Variants in PTPRD observed in about 807,000 individuals in gnomAD.
PTPRD encodes the protein protein tyrosine phosphatase receptor type D, also known as receptor-type tyrosine-protein phosphatase delta.
A neutral mutation model predicts 214.5 loss-of-function variants in PTPRD; 34 were observed. That is an observed-to-expected ratio of 0.16 (90% CI 0.12 to 0.21). PTPRD has a LOEUF of 0.21. Among genes scored for constraint, PTPRD ranks in the 10% least tolerant of loss-of-function variants. PTPRD has a pLI of 1.00. For synonymous variants in PTPRD, 1,128 were observed against 845.7 expected, an observed-to-expected ratio of 1.33 and a Z score of -5.79; for missense variants, 2,545 against 2,398.7, an observed-to-expected ratio of 1.06 and a Z score of -1.27.
At chr9:8,620,048 C>T (rs1161877969) in intron 14 of PTPRD, among the ~76,000 whole-genome samples, 1 of 151,976 alleles carries the variant, frequency 6.6e-6, no homozygotes, top group Admixed American at 6.6e-5. Flanking sequence ...AAGCACTTAG[C>T]AGACCTCTCC....
At chr9:10,376,605 G>A (rs1188729874) in intron 2 of PTPRD, among the ~76,000 whole-genome samples, 2 of 151,646 alleles carry the variant, frequency 1.3e-5, no homozygotes, top group Non-Finnish European at 2.9e-5. Flanking sequence ...CTATCTCATA[G>A]ACAGGGTATC....
intron 14 of PTPRD, 42 bp from the exon 15 acceptor site, chr9:8,528,821 A>G (rs994742546): frequency 6.3e-7 from 1 of 1,586,162 alleles, no homozygotes; most frequent in Non-Finnish European, 8.6e-7. Context: ...TTAATAAGTC[A>G]GATGCTCCAA....
intron 4 of PTPRD, among the ~76,000 whole-genome samples, chr9:9,977,812 G>A (rs904831159): frequency 3.3e-5 from 5 of 152,008 alleles, no homozygotes; most frequent in East Asian, 3.9e-4. Context: ...AACCAAAGCC[G>A]GTTTGAAGAG....
At chr9:9,061,869 C>T (rs1164732068) in intron 10 of PTPRD, among the ~76,000 whole-genome samples, 1 of 151,942 alleles carries the variant, frequency 6.6e-6, no homozygotes, top group Non-Finnish European at 1.5e-5. Flanking sequence ...TTGTCAAACT[C>T]AAATAATCCC....
In PTPRD at chr9:9,731,023, A is replaced by G. The variant is rs145042712; in HGVS notation, c.-287+3510T>C. Among the ~76,000 whole-genome samples, 4 of 152,298 alleles carry G rather than the reference A, an allele frequency of 2.6e-5. No homozygotes were observed. In the East Asian group the frequency reaches 7.7e-4, roughly 29 times the overall value. On this transcript the variant is annotated intron_variant, in intron 7 of 45. Coordinates refer to ENST00000381196, the MANE Select transcript of PTPRD (RefSeq NM_002839.4). ...AATTGCCAGAACTACACACACAGAT[A>G]CAAAATTCAGTGATTCGTAAACATT...
chr9:8,980,361 TA>T (rs1019809850), intron 11 of PTPRD, among the ~76,000 whole-genome samples: 10 of 152,008 alleles, frequency 6.6e-5, no homozygotes, highest in African/African-American at 9.6e-5. Context: ...ATTAGGGATT[TA>T]AAAAAATAAG....
intron 11 of PTPRD, among the ~76,000 whole-genome samples, chr9:8,940,080 A>G (rs899030299): frequency 6.8e-6 from 1 of 147,344 alleles, no homozygotes; most frequent in African/African-American, 2.5e-5. Flanking sequence ...AAAAAAAAAG[A>G]AGACTTACAT....
At chr9:10,143,009 T>C (rs973637934) in intron 3 of PTPRD, among the ~76,000 whole-genome samples, 1 of 150,900 alleles carries the variant, frequency 6.6e-6, no homozygotes, top group African/African-American at 2.4e-5. Context: ...TCATTCTCAG[T>C]AAACTATCAC....
At chr9:8,954,545 G>C (rs953213167) in intron 11 of PTPRD, among the ~76,000 whole-genome samples, 5 of 145,448 alleles carry the variant, frequency 3.4e-5, no homozygotes, top group African/African-American at 1.2e-4. Context: ...GAAAAAAAAA[G>C]GCATAGTACA....
At chr9:9,317,076 A>G (rs1963631647) in intron 9 of PTPRD, among the ~76,000 whole-genome samples, 1 of 152,096 alleles carries the variant, frequency 6.6e-6, no homozygotes, top group African/African-American at 2.4e-5. Flanking sequence ...GCTTGTTTCA[A>G]TGTTTATTTT....
At chr9:8,873,947 T>G (rs2154210383) in intron 11 of PTPRD, among the ~76,000 whole-genome samples, 1 of 152,332 alleles carries the variant, frequency 6.6e-6, no homozygotes, top group African/African-American at 2.4e-5. Flanking sequence ...ACCTGGTCAT[T>G]AAAACATAAT....
intron 30 of PTPRD, among the ~76,000 whole-genome samples, chr9:8,477,807 A>G (rs533132408): frequency 2.3e-4 from 35 of 151,820 alleles, no homozygotes; most frequent in Admixed American, 1.3e-4. Flanking sequence ...CAATTGACCT[A>G]GGAAAAAAAA....
chr9:9,813,293 A>C (rs1488150222), intron 5 of PTPRD, among the ~76,000 whole-genome samples: 2 of 152,004 alleles, frequency 1.3e-5, no homozygotes, highest in Non-Finnish European at 2.9e-5. Context: ...AAAATAATGA[A>C]GATTAGAGCA....
chr9:8,509,936 C>G (rs1486181111), intron 21 of PTPRD, among the ~76,000 whole-genome samples: 1 of 152,038 alleles, frequency 6.6e-6, no homozygotes, highest in Non-Finnish European at 1.5e-5. Flanking sequence ...CTGTTCTTTC[C>G]TTATCCTTCT....
In PTPRD at chr9:8,613,160, A is replaced by T. The variant is rs999603479; in HGVS notation, c.352+20157T>A. Among the ~76,000 whole-genome samples, 36 of 152,214 alleles carry T rather than the reference A, an allele frequency of 2.4e-4. 1 individual carries two copies. Among genetic ancestry groups the T allele is most frequent in the Admixed American group, 2.4e-3 (36 of 15,284 alleles). ...CTTAGCTCTCCATTACTTCCAACAC[A>T]TAACAGGTATTCAAAGAATGTTACT... On this transcript the variant is annotated intron_variant, in intron 14 of 45. Coordinates refer to ENST00000381196, the MANE Select transcript of PTPRD (RefSeq NM_002839.4).
chr9:8,915,128 C>T (rs2098775644), intron 11 of PTPRD, among the ~76,000 whole-genome samples: 2 of 152,068 alleles, frequency 1.3e-5, no homozygotes, highest in African/African-American at 2.4e-5. Context: ...TATCCAGAGT[C>T]TCATATGTCA....
At chr9:8,646,015 G>A (rs1251893663) in intron 12 of PTPRD, among the ~76,000 whole-genome samples, 1 of 151,284 alleles carries the variant, frequency 6.6e-6, no homozygotes, top group Non-Finnish European at 1.5e-5. Context: ...CAATGGCCAT[G>A]GTTCACTCCT....
chr9:8,947,636 C>A (rs754889150), intron 11 of PTPRD, among the ~76,000 whole-genome samples: 2 of 152,030 alleles, frequency 1.3e-5, no homozygotes, highest in Non-Finnish European at 2.9e-5. Context: ...TCCAGATGAA[C>A]TCCTAGAGTT....
At chr9:9,725,872 T>C (rs1459579495) in intron 7 of PTPRD, among the ~76,000 whole-genome samples, 2 of 152,112 alleles carry the variant, frequency 1.3e-5, no homozygotes, top group African/African-American at 4.8e-5. Flanking sequence ...ATGTCTCTAA[T>C]CGTTGGATGT....
Sources: gnomAD v4.1 joint callset for allele counts (sites outside exome capture counted in the v4.1 genomes callset) on GRCh38, gnomAD v4.1.1 for gene constraint, MANE v1.5 for transcripts, NCBI Gene and HGNC (gene_info 2026-07-23, HGNC 2026-07-21) for gene names.